The following KIAA1210 variants were observed in gnomAD, a reference collection of about 807,000 sequenced individuals.
KIAA1210 encodes the protein acrosomal protein KIAA1210.
A neutral mutation model predicts 78.9 loss-of-function variants in KIAA1210; 48 were observed. The ratio of observed to expected loss-of-function variants is 0.61; its 90% CI spans 0.48 to 0.77. KIAA1210 has a LOEUF of 0.77. Among genes scored for constraint, KIAA1210 ranks in the 30% least tolerant of loss-of-function variants. The pLI is 0.00. For missense variants in KIAA1210, 1,108 were observed against 1,100.0 expected (o/e 1.01, Z -0.10); for synonymous variants, 406 against 404.5 (o/e 1.00, Z -0.04).
Position 119,088,247 on chromosome X carries a change from C to T in KIAA1210, c.2455G>A (p.Val819Ile). Residue 819 changes from valine (V) to isoleucine (I), a missense_variant, in exon 9 of 12, where the codon GTT becomes ATT. Val to Ile is a conservative substitution (Grantham distance 29). Around this residue, in one of 5 missense-constraint regions of KIAA1210, gnomAD observed 672 missense variants for 607.1 expected, o/e 1.11. Coordinates refer to ENST00000691062, the MANE Select transcript of KIAA1210 (RefSeq NM_001394962.1). ...LLCQPLMNPK[V>I]QQNMFSGSED... The stretch of plus-strand genomic sequence containing the variant: ...GAACCTGAGAACATGTTTTGTTGAA[C>T]TTTAGGATTCATCAAGGGCTGGCAA... 2.5e-6 allele frequency: 3 copies of T among 1,211,318 alleles called. No homozygotes were observed. The highest frequency in any genetic ancestry group is 3.4e-6 in the Non-Finnish European group (3 of 895,247).
At chrX:119,137,388 A>G (rs1928938285) in intron 2 of KIAA1210, among the ~76,000 whole-genome samples, 1 of 112,769 alleles carries the variant, frequency 8.9e-6, no homozygotes, top group African/African-American at 3.2e-5. Flanking sequence ...TACACATGAA[A>G]CAATTGAGAA....
intron 5 of KIAA1210, among the ~76,000 whole-genome samples, chrX:119,107,491 G>A (rs1927928022): frequency 9.0e-6 from 1 of 111,403 alleles, no homozygotes; most frequent in African/African-American, 3.3e-5. Flanking sequence ...GTTTAAAACT[G>A]AAGATTGAAT....
chrX:119,088,016 C>T lies in KIAA1210; in HGVS notation c.2686G>A (p.Glu896Lys). 1 of 1,211,144 alleles carries T rather than the reference C, an allele frequency of 8.3e-7. No homozygotes were observed. Among genetic ancestry groups the T allele is most frequent in the Non-Finnish European group, 1.1e-6 (1 of 895,273 alleles). The part of the protein sequence containing the change: ...KFLDSMSTSA[E>K]WSSPVAPTPS... ...GTTGGTGCCACAGGACTGCTCCATT[C>T]TGCAGAAGTACTCATTGAGTCCAGG... Residue 896 changes from glutamate (E) to lysine (K), a missense_variant, in exon 9 of 12, where the codon GAA (glutamate) becomes AAA (lysine). By Grantham distance (56) the Glu-to-Lys change is moderately conservative (BLOSUM62 1). Transcript: ENST00000691062.
chrX:119,138,698 G>C (rs1339136839), intron 2 of KIAA1210, among the ~76,000 whole-genome samples: 1 of 111,745 alleles, frequency 8.9e-6, no homozygotes, highest in African/African-American at 3.3e-5. Context: ...CTTCTTCCTA[G>C]AGTGTACTAC....
intron 1 of KIAA1210, among the ~76,000 whole-genome samples, chrX:119,124,609 C>T (rs1928567877): frequency 2.7e-5 from 3 of 111,552 alleles, no homozygotes; most frequent in Non-Finnish European, 3.8e-5. Flanking sequence ...AATTTCAGGC[C>T]GGGTACAGTG....
intron 6 of KIAA1210, among the ~76,000 whole-genome samples, chrX:119,104,235 T>C (rs1012918153): frequency 8.9e-6 from 1 of 112,256 alleles, no homozygotes; most frequent in African/African-American, 3.2e-5. Context: ...CCCAGATCCA[T>C]AAAACAATAA....
chrX:119,132,690 G>A (rs1928821704), upstream of KIAA1210, among the ~76,000 whole-genome samples: 1 of 111,539 alleles, frequency 9.0e-6, no homozygotes, highest in African/African-American at 3.3e-5. Context: ...GAGTGGAATG[G>A]CATAATCATA....
rs764213116 is a variant in KIAA1210, at chrX:119,145,271, A to T, written c.410+2202T>A. Among the ~76,000 whole-genome samples, 7 of 110,493 alleles carry T rather than the reference A, an allele frequency of 6.3e-5. No individual in the cohort carries two copies. The East Asian group carries it at 1.7e-3, about 27-fold the overall frequency. On this transcript the variant is annotated intron_variant, in intron 2 of 13. Coordinates refer to the KIAA1210 transcript ENST00000402510. ...GCATGATTGACATTTGGGGCTGCAAAATTCTTTGGTAGGAGGTAGGGAGTG... is the reference window on the plus strand; with the variant it reads ...GCATGATTGACATTTGGGGCTGCAATATTCTTTGGTAGGAGGTAGGGAGTG...
At chrX:119,092,891 A>T (rs144588519) in intron 8 of KIAA1210, among the ~76,000 whole-genome samples, 1 of 110,219 alleles carries the variant, frequency 9.1e-6, no homozygotes, top group Non-Finnish European at 1.9e-5. Flanking sequence ...CTTAGTATTC[A>T]TGGGAAAACG....
chrX:119,093,154 A>C (rs964517885), intron 8 of KIAA1210, among the ~76,000 whole-genome samples: 2 of 112,464 alleles, frequency 1.8e-5, no homozygotes, highest in African/African-American at 6.5e-5. Context: ...CTGCAGCTGC[A>C]TAAACCCTCT....
chrX:119,116,625 A>C lies in KIAA1210; in HGVS notation c.101T>G (p.Phe34Cys). 2.5e-6 allele frequency: 3 copies of C among 1,207,286 alleles called. No homozygotes were observed. The highest frequency in any genetic ancestry group is 2.2e-6 in the Non-Finnish European group (2 of 892,645). ...GGCTTCTTTTTCCTTCTTCTTAACA[A>C]AAAAGCTCTTAAGGGCTTTAAATTT... ...KCKFKALKSFFVKKKEKEAED... is the reference protein window; with the variant it reads ...KCKFKALKSFCVKKKEKEAED... The change falls in exon 3 of 12, where the codon TTT becomes TGT. Residue 34 changes from phenylalanine to cysteine, a missense_variant. Physicochemically the swap from Phe to Cys is radical, Grantham distance 205 (BLOSUM62 -2). Around this residue, in one of 5 missense-constraint regions of KIAA1210, gnomAD observed 672 missense variants for 607.1 expected, o/e 1.11. Coordinates refer to ENST00000691062, the MANE Select transcript of KIAA1210 (RefSeq NM_001394962.1).
Position 119,096,498 on chromosome X carries a change from A to C in KIAA1210, c.842T>G (p.Val281Gly), listed in dbSNP as rs1260501647. 8.3e-7 allele frequency: 1 copy of C among 1,204,893 alleles called. No homozygotes were observed. The highest frequency in any genetic ancestry group is 1.7e-5 in the African/African-American group (1 of 57,612). The change falls in exon 7 of 12, where the codon GTG (valine) becomes GGG (glycine). Residue 281 changes from valine (V) to glycine (G), a missense_variant. This residue lies in a region of KIAA1210 where 672 missense variants were observed against 607.1 expected (regional missense o/e 1.11). Coordinates refer to ENST00000691062, the MANE Select transcript of KIAA1210 (RefSeq NM_001394962.1). ...NPRKQKKNLQ[V>G]IVEPKEEEPN... ...CCTGTCTCTTGAAGGACTTACAATC[A>C]CTTGAAGGTTCTTCTTTTGTTTGCG... is the stretch of plus-strand genomic sequence containing the variant.
At chrX:119,142,297 C>G (rs1354646394) in intron 2 of KIAA1210, among the ~76,000 whole-genome samples, 1 of 112,267 alleles carries the variant, frequency 8.9e-6, no homozygotes, top group African/African-American at 3.2e-5. Context: ...TGAACTAACT[C>G]ACTGTGTTTG....
intron 2 of KIAA1210, among the ~76,000 whole-genome samples, chrX:119,138,512 C>T (rs973736047): frequency 3.6e-5 from 4 of 111,633 alleles, no homozygotes; most frequent in Non-Finnish European, 7.5e-5. Flanking sequence ...AGCCACTGCG[C>T]CAGGCCGAGA....
chrX:119,134,323 C>CA (rs1928863244), intron 2 of KIAA1210, among the ~76,000 whole-genome samples: 1 of 112,514 alleles, frequency 8.9e-6, no homozygotes, highest in Non-Finnish European at 1.9e-5. Context: ...TTTTACATAG[C>CA]CAAGTAGTAC....
intron 11 of KIAA1210, among the ~76,000 whole-genome samples, chrX:119,082,421 T>A (rs1926994160): frequency 8.9e-6 from 1 of 111,776 alleles, no homozygotes; most frequent in African/African-American, 3.3e-5. Context: ...TAAAAATCCA[T>A]CATCCACTCC....
intron 11 of KIAA1210, 72 bp from the exon 12 acceptor site, chrX:119,081,576 GC>G: frequency 2.0e-6 from 2 of 992,441 alleles, no homozygotes; most frequent in Non-Finnish European, 2.8e-6. Flanking sequence ...TTTATGGAAT[GC>G]CATATAATGT....
In KIAA1210 at chrX:119,089,696, T is replaced by C; in HGVS notation, c.1006A>G (p.Thr336Ala). 7 of 1,210,396 alleles carry C rather than the reference T, an allele frequency of 5.8e-6. No homozygotes were observed. Among genetic ancestry groups the C allele is most frequent in the Non-Finnish European group, 7.8e-6 (7 of 895,020 alleles). The change falls in exon 9 of 12, where the codon ACA becomes GCA. Residue 336 changes from threonine to alanine, a missense_variant. By Grantham distance (58) the Thr-to-Ala change is moderately conservative. This residue lies in a region of KIAA1210 where 672 missense variants were observed against 607.1 expected (regional missense o/e 1.11). Transcript: ENST00000691062. ...NNKTEMYDKK[T>A]TDQAPNTDAS... ...TCAGTGTTTGGAGCCTGGTCTGTTGTCTTCTTATCATACATCTCAGTTTTG... is the reference window on the plus strand; with the variant it reads ...TCAGTGTTTGGAGCCTGGTCTGTTGCCTTCTTATCATACATCTCAGTTTTG...
In KIAA1210 at chrX:119,088,210, G is replaced by A; in HGVS notation, c.2492C>T (p.Ala831Val). The change falls in exon 9 of 12, where the codon GCT becomes GTT. Residue 831 changes from alanine to valine, a missense_variant. Physicochemically the swap from Ala to Val is moderately conservative, Grantham distance 64 (BLOSUM62 0). Around this residue, in one of 5 missense-constraint regions of KIAA1210, gnomAD observed 672 missense variants for 607.1 expected, o/e 1.11. Coordinates refer to ENST00000691062, the MANE Select transcript of KIAA1210 (RefSeq NM_001394962.1). ...QNMFSGSEDI[A>V]VERVISVEPL... The stretch of plus-strand genomic sequence containing the variant: ...CTCCACAGAAATGACTCTCTCAACA[G>A]CAATGTCCTCTGAACCTGAGAACAT... The A allele has an allele frequency of 8.3e-7, 1 of 1,210,987 alleles. No homozygotes were observed. The highest frequency in any genetic ancestry group is 1.1e-6 in the Non-Finnish European group (1 of 894,683).
Sources: gnomAD v4.1 joint callset for allele counts (sites outside exome capture counted in the v4.1 genomes callset) on GRCh38, gnomAD v4.1.1 for gene constraint, gnomAD v4.1.1 regional missense constraint, MANE v1.5 for transcripts, NCBI Gene and HGNC (gene_info 2026-07-23, HGNC 2026-07-21) for gene names.